NOP14: variants seen among roughly 807,000 people sequenced by gnomAD.
The protein encoded by NOP14 is NOP14 nucleolar protein, also known as nucleolar protein 14.
Under a neutral mutation model 101.6 loss-of-function variants are expected in NOP14, and 57 were observed. The observed-to-expected ratio is 0.56, with a 90% CI of 0.45 to 0.70. NOP14 has a LOEUF of 0.70. Among genes scored for constraint, NOP14 ranks in the 30% least tolerant of loss-of-function variants. NOP14 has a pLI of 0.00. For missense variants in NOP14, 1,134 were observed against 1,075.5 expected (o/e 1.05, Z -0.76); for synonymous variants, 428 against 424.0 (o/e 1.01, Z -0.12).
intron 8 of NOP14, among the ~76,000 whole-genome samples, chr4:2,949,252 A>C (rs1485410135): frequency 2.0e-5 from 3 of 152,112 alleles, no homozygotes; most frequent in Non-Finnish European, 4.4e-5. Flanking sequence ...CACCCAGGCT[A>C]GAGTGCAGTG....
chr4:2,937,961 T>C lies in NOP14; in HGVS notation c.*870A>G. 4.9e-6 allele frequency: 1 copy of C among 202,336 alleles called. No homozygotes were observed. Among genetic ancestry groups the C allele is most frequent in the Non-Finnish European group, 1.0e-5 (1 of 97,272 alleles). 12.5% of individuals were successfully genotyped at this position (202,336 alleles called of 1,614,324 possible). A position where few individuals can be genotyped will look rare whatever the true frequency, so the allele number is the denominator to read the frequency against. The stretch of plus-strand genomic sequence containing the variant: ...TTTCATTTATAATTGAAAATATAAT[T>C]TGCATAACAACAGTAAATTCTACAC... On this transcript the variant is annotated 3_prime_UTR_variant, in exon 18 of 18. Transcript: ENST00000416614.
chr4:2,953,039 C>T (rs1035159185), intron 5 of NOP14, among the ~76,000 whole-genome samples: 1 of 152,246 alleles, frequency 6.6e-6, no homozygotes, highest in African/African-American at 2.4e-5. Context: ...CAAAGATGCA[C>T]AGATGACCAC....
intron 9 of NOP14, among the ~76,000 whole-genome samples, chr4:2,947,975 T>A (rs2109302528): frequency 6.6e-6 from 1 of 150,622 alleles, no homozygotes; most frequent in South Asian, 2.1e-4. Flanking sequence ...CAGCAAAGTC[T>A]GGCTCTGCCA....
At position 2,941,862 on chromosome 4, in the gene NOP14, G is replaced by A. The variant is rs1349469170; in HGVS notation, c.2052-133C>T. 3 of 1,102,242 alleles carry A rather than the reference G, an allele frequency of 2.7e-6. No homozygotes were observed. The East Asian group carries it at 7.8e-5, about 28-fold the overall frequency. 68.3% of individuals were successfully genotyped at this position (1,102,242 alleles called of 1,614,324 possible). On this transcript the variant is annotated intron_variant, in intron 14 of 17. Transcript: ENST00000416614. Reference sequence around the variant, plus strand: ...CAGTGTGGCCACCTTGGCCGGCCAGGGTTGGGCCCATGCAACCACGGGCAA... The same window carrying A: ...CAGTGTGGCCACCTTGGCCGGCCAGAGTTGGGCCCATGCAACCACGGGCAA...
At chr4:2,939,415 T>A in intron 16 of NOP14, 72 bp from the exon 17 acceptor site, 1 of 1,607,066 alleles carries the variant, frequency 6.2e-7, no homozygotes. Flanking sequence ...TGCTTGGGAG[T>A]GTGGCTTCAC....
At chr4:2,943,431 C>T (rs1267217629) in intron 13 of NOP14, among the ~76,000 whole-genome samples, 2 of 152,230 alleles carry the variant, frequency 1.3e-5, no homozygotes, top group Non-Finnish European at 2.9e-5. Flanking sequence ...GCTCCTCACC[C>T]CCCAGAGGGA....
chr4:2,960,756 CACATTAATATT>C lies in NOP14; in HGVS notation c.195+2358_195+2368del, dbSNP rs1560310753. 3.0e-4 allele frequency among the ~76,000 whole-genome samples: 25 copies of C among 83,266 alleles called. No individual in the cohort carries two copies. The East Asian group carries it at 4.9e-3, about 16-fold the overall frequency. The allele number at this position is 83,266 out of a possible 152,430, so 54.6% of individuals were successfully genotyped here. ...AATATTAATATATTAATATTATAAT[CACATTAATATT>C]AATATATTAATATTATAATCACATT... On this transcript the variant is annotated intron_variant, in intron 1 of 17. Transcript: ENST00000416614.
intron 1 of NOP14, chr4:2,961,869 C>G (rs917007997): frequency 6.6e-6 from 1 of 152,228 alleles, no homozygotes; most frequent in Non-Finnish European, 1.5e-5. Context: ...CAGCAATTCC[C>G]GTCCCCGTCC....
At position 2,959,399 on chromosome 4, in the gene NOP14, T is replaced by C. The variant is rs554217109; in HGVS notation, c.196-1659A>G. On this transcript the variant is annotated intron_variant, in intron 1 of 17. Transcript: ENST00000416614. Reference sequence around the variant, plus strand: ...CGAGGTTAGAAGATCAAGACCATCCTGGGTAACATGGTGAAACCCCGTCTC... The same window carrying C: ...CGAGGTTAGAAGATCAAGACCATCCCGGGTAACATGGTGAAACCCCGTCTC... 3.6e-3 allele frequency among the ~76,000 whole-genome samples: 546 copies of C among 152,210 alleles called. 1 individual carries two copies. The highest frequency in any genetic ancestry group is 6.8e-3 in the Middle Eastern group (2 of 294).
In NOP14 at chr4:2,938,352, C is replaced by A; in HGVS notation, c.*479G>T. The stretch of plus-strand genomic sequence containing the variant: ...CCTGACCAACATGGAGAAACCCCGT[C>A]TCTACTAAAAATACAAAATTAGCTG... On this transcript the variant is annotated 3_prime_UTR_variant, in exon 18 of 18. Transcript: ENST00000416614. The A allele has an allele frequency of 2.0e-6, 1 of 511,202 alleles. No individual in the cohort carries two copies. The highest frequency in any genetic ancestry group is 3.4e-6 in the Non-Finnish European group (1 of 292,440). The allele number at this position is 511,202 out of a possible 1,614,324, so 31.7% of individuals were successfully genotyped here.
chr4:2,951,193 T>C lies in NOP14; in HGVS notation c.923A>G (p.Lys308Arg). The C allele has an allele frequency of 6.2e-7, 1 of 1,613,880 alleles. No individual in the cohort carries two copies. The highest frequency in any genetic ancestry group is 8.5e-7 in the Non-Finnish European group (1 of 1,179,770). ...ATCATCTGCTGACATATGTTTTGGT[T>C]TCTTAACATTTTCATCCTCATCCTT... The part of the protein sequence containing the change: ...LGKDEDENVK[K>R]PKHMSADDLN... The change falls in exon 7 of 18, where the codon AAA becomes AGA. Residue 308 changes from lysine (K) to arginine (R), a missense_variant. Lys to Arg is a conservative substitution (Grantham distance 26). Coordinates refer to ENST00000416614, the MANE Select transcript of NOP14 (RefSeq NM_001291978.2).
At chr4:2,961,226 T>C (rs11724805) in intron 1 of NOP14, 1 of 6,022 alleles carries the variant, frequency 1.7e-4, no homozygotes, top group Non-Finnish European at 3.1e-4. Context: ...ATATTAATAT[T>C]GTTAGTATAT....
chr4:2,948,262 C>G lies in NOP14; in HGVS notation c.1413+16G>C. 6.3e-7 allele frequency: 1 copy of G among 1,591,914 alleles called. No individual in the cohort carries two copies. Among genetic ancestry groups the G allele is most frequent in the Non-Finnish European group, 8.5e-7 (1 of 1,172,930 alleles). ...GCTGACACTCCCAGCGCTCCACACACACTCAATCCACGTACTTCTAATTTT... is the reference window on the plus strand; with the variant it reads ...GCTGACACTCCCAGCGCTCCACACAGACTCAATCCACGTACTTCTAATTTT... On this transcript the variant is annotated intron_variant, in intron 9 of 17. Coordinates refer to ENST00000416614, the MANE Select transcript of NOP14 (RefSeq NM_001291978.2).
At position 2,942,392 on chromosome 4, in the gene NOP14, T is replaced by C. The variant is rs377416385; in HGVS notation, c.1892-41A>G. 7.8e-5 allele frequency: 124 copies of C among 1,588,282 alleles called. 1 individual carries two copies. The highest frequency in any genetic ancestry group is 2.2e-5 in the South Asian group (2 of 89,480). On this transcript the variant is annotated intron_variant, in intron 13 of 17. Transcript: ENST00000416614. Reference sequence around the variant, plus strand: ...GACAGGACAGAGATGGCCTGAACATTACTGGGCTCCCAGCAGGCTCTGCGG... The same window carrying C: ...GACAGGACAGAGATGGCCTGAACATCACTGGGCTCCCAGCAGGCTCTGCGG...
Position 2,938,066 on chromosome 4 carries a change from G to A in NOP14, c.*765C>T, listed in dbSNP as rs1051995590. The A allele has an allele frequency of 1.7e-6, 1 of 573,514 alleles. No individual in the cohort carries two copies. The highest frequency in any genetic ancestry group is 2.6e-6 in the Non-Finnish European group (1 of 380,124). The allele number at this position is 573,514 out of a possible 1,614,324, so 35.5% of individuals were successfully genotyped here. A position where few individuals can be genotyped will look rare whatever the true frequency, so the allele number is the denominator to read the frequency against. ...CCCATGAGGCTTGTCCAGACGCAGTGAACCAGTCGCAGCTGATAACACACA... is the reference window on the plus strand; with the variant it reads ...CCCATGAGGCTTGTCCAGACGCAGTAAACCAGTCGCAGCTGATAACACACA... On this transcript the variant is annotated 3_prime_UTR_variant, in exon 18 of 18. Transcript: ENST00000416614.
chr4:2,957,527 T>G (rs944060299), intron 2 of NOP14, 79 bp downstream of exon 2: 11 of 1,541,074 alleles, frequency 7.1e-6, no homozygotes, highest in Non-Finnish European at 8.9e-6. Context: ...ATGCAAAACA[T>G]GCAGAGTCAG....
At chr4:2,942,972 C>T (rs1036941484) in intron 13 of NOP14, among the ~76,000 whole-genome samples, 6 of 152,208 alleles carry the variant, frequency 3.9e-5, no homozygotes, top group Non-Finnish European at 5.9e-5. Flanking sequence ...AGGCGTGGGT[C>T]AGGCCCCGCC....
At chr4:2,946,944 G>C (rs2109301251) in intron 10 of NOP14, 1 of 243,104 alleles carries the variant, frequency 4.1e-6, no homozygotes, top group South Asian at 5.2e-5. Flanking sequence ...AGGGCAGGAA[G>C]CTGGTGTGCA....
At chr4:2,945,436 A>G (rs1714552209) in intron 11 of NOP14, among the ~76,000 whole-genome samples, 1 of 152,234 alleles carries the variant, frequency 6.6e-6, no homozygotes, top group Non-Finnish European at 1.5e-5. Context: ...ACTGAGGCCC[A>G]TGAAGACTTC....
Sources: gnomAD v4.1 joint callset for allele counts (sites outside exome capture counted in the v4.1 genomes callset) on GRCh38, gnomAD v4.1.1 for gene constraint, MANE v1.5 for transcripts, NCBI Gene and HGNC (gene_info 2026-07-23, HGNC 2026-07-21) for gene names.